DYM: variants seen among roughly 807,000 people sequenced by gnomAD.
The protein encoded by DYM is dyggve-Melchior-Clausen syndrome protein.
A neutral mutation model predicts 93.1 loss-of-function variants in DYM; 78 were observed. That is an observed-to-expected ratio of 0.84 (90% CI 0.70 to 1.01). The LOEUF (loss-of-function observed/expected upper bound fraction) is 1.01, where lower values mean the gene tolerates loss of function less well. Ranked by LOEUF, DYM falls within the 50% of genes least tolerant of loss-of-function variation. DYM has a pLI of 0.00. For synonymous variants in DYM, 321 were observed against 319.7 expected, an observed-to-expected ratio of 1.00 and a Z score of -0.04; for missense variants, 789 against 845.0, an observed-to-expected ratio of 0.93 and a Z score of 0.82.
chr18:49,386,117 A>G (rs1356993801), intron 3 of DYM, among the ~76,000 whole-genome samples: 1 of 151,956 alleles, frequency 6.6e-6, no homozygotes. Flanking sequence ...TGGCCAAAAA[A>G]CTCTTTTAAA....
intron 17 of DYM, among the ~76,000 whole-genome samples, chr18:49,075,084 T>C (rs916687899): frequency 6.6e-6 from 1 of 152,172 alleles, no homozygotes; most frequent in African/African-American, 2.4e-5. Flanking sequence ...CCAGGAAACC[T>C]AGCTTTCACC....
At chr18:49,171,806 G>T (rs560029154) in intron 14 of DYM, among the ~76,000 whole-genome samples, 34 of 152,182 alleles carry the variant, frequency 2.2e-4, no homozygotes, top group Admixed American at 1.3e-3. Context: ...AACCACTGGT[G>T]GTCCTTAATG....
intron 2 of DYM, among the ~76,000 whole-genome samples, chr18:49,422,022 T>C (rs931332298): frequency 6.6e-6 from 1 of 152,188 alleles, no homozygotes; most frequent in African/African-American, 2.4e-5. Flanking sequence ...ACCAAATCTA[T>C]GTCTGATTGG....
chr18:49,373,290 A>G (rs530666983), intron 5 of DYM, among the ~76,000 whole-genome samples: 24 of 152,270 alleles, frequency 1.6e-4, no homozygotes, highest in Middle Eastern at 3.4e-3. Context: ...TAGGAATGAA[A>G]GAACGGCTAC....
At chr18:49,081,311 G>A (rs938996130) in intron 17 of DYM, among the ~76,000 whole-genome samples, 4 of 151,334 alleles carry the variant, frequency 2.6e-5, no homozygotes, top group East Asian at 2.0e-4. Flanking sequence ...AGACCAGCCC[G>A]GCCAACACAG....
intron 10 of DYM, 25 bp downstream of exon 10, chr18:49,281,972 A>G (rs1425275090): frequency 2.5e-6 from 4 of 1,605,636 alleles, no homozygotes; most frequent in Non-Finnish European, 3.4e-6. Flanking sequence ...ATACAAACGC[A>G]TGGAATGTTT....
At chr18:49,372,216 C>T (rs979019447) in intron 5 of DYM, among the ~76,000 whole-genome samples, 6 of 152,150 alleles carry the variant, frequency 3.9e-5, no homozygotes, top group African/African-American at 1.4e-4. Context: ...CTCCATTTTT[C>T]CCCCTTTCAA....
intron 6 of DYM, chr18:49,359,664 G>T (rs562104162): frequency 1.3e-5 from 2 of 152,304 alleles, no homozygotes; most frequent in South Asian, 4.1e-4. Context: ...TTAACAGAAT[G>T]ATTTTAAAAG....
At chr18:49,049,579 A>G (rs2072111673) in intron 17 of DYM, 1 of 152,338 alleles carries the variant, frequency 6.6e-6, no homozygotes, top group Non-Finnish European at 1.5e-5. Flanking sequence ...AAGCCACGTG[A>G]AGGGCTTGGT....
chr18:49,428,318 A>T (rs2074489584), intron 2 of DYM, among the ~76,000 whole-genome samples: 1 of 152,168 alleles, frequency 6.6e-6, no homozygotes, highest in Non-Finnish European at 1.5e-5. Flanking sequence ...GAAAGAAGCC[A>T]GTCACAAAAG....
intron 2 of DYM, among the ~76,000 whole-genome samples, chr18:49,406,500 G>A (rs1239796324): frequency 6.6e-6 from 1 of 152,148 alleles, no homozygotes; most frequent in East Asian, 1.9e-4. Context: ...GACAGAGGTT[G>A]CAGAGAGCCG....
chr18:49,098,409 T>G (rs1439793328), intron 16 of DYM, among the ~76,000 whole-genome samples: 1 of 152,248 alleles, frequency 6.6e-6, no homozygotes, highest in Non-Finnish European at 1.5e-5. Flanking sequence ...TAAATGCTAA[T>G]TGTTTAAGAG....
chr18:49,385,867 C>A (rs565341879), intron 3 of DYM, among the ~76,000 whole-genome samples: 2 of 151,910 alleles, frequency 1.3e-5, no homozygotes, highest in South Asian at 4.2e-4. Context: ...GAGTGTGAGA[C>A]CCTATTCCTT....
rs940034052 is a variant in DYM, at chr18:49,409,284, AAAAAAAAAAAAAAAAG to A, written c.141-17655_141-17640del. Reference sequence around the variant, plus strand: ...GGGTGACAGAGTGAGACTCTGTCTCAAAAAAAAAAAAAAAAGAAAAAAAAGAAAAAAACTTAGCAAA... The same window carrying A: ...GGGTGACAGAGTGAGACTCTGTCTCAAAAAAAAAGAAAAAAACTTAGCAAA... On this transcript the variant is annotated intron_variant, in intron 2 of 17. Coordinates refer to ENST00000675505, the MANE Select transcript of DYM (RefSeq NM_001353214.3). 8.4e-4 allele frequency among the ~76,000 whole-genome samples: 106 copies of A among 126,326 alleles called. 1 individual carries two copies. The East Asian group carries it at 0.023, about 28-fold the overall frequency. 82.9% of individuals were successfully genotyped at this position (126,326 alleles called of 152,430 possible). A position where few individuals can be genotyped will look rare whatever the true frequency, so the allele number is the denominator to read the frequency against.
intron 6 of DYM, among the ~76,000 whole-genome samples, chr18:49,356,063 A>G (rs1036920847): frequency 2.6e-5 from 4 of 152,234 alleles, no homozygotes; most frequent in Non-Finnish European, 1.5e-5. Flanking sequence ...AATGACTACC[A>G]GAAAATATTC....
intron 2 of DYM, among the ~76,000 whole-genome samples, chr18:49,409,579 A>T (rs181877543): frequency 1.5e-3 from 230 of 152,316 alleles, no homozygotes; most frequent in Non-Finnish European, 2.8e-3. Context: ...ATTCATCAAC[A>T]GAGTACCACT....
Position 49,085,606 on chromosome 18 carries a change from C to CTTTT in DYM, c.2025+11792_2025+11795dup, listed in dbSNP as rs11437833. Among the ~76,000 whole-genome samples, 30 of 102,168 alleles carry CTTTT rather than the reference C, an allele frequency of 2.9e-4. 2 individuals are homozygous for CTTTT. Among genetic ancestry groups the CTTTT allele is most frequent in the South Asian group, 3.5e-4 (1 of 2,850 alleles). 67.0% of individuals were successfully genotyped at this position (102,168 alleles called of 152,430 possible). Reference sequence around the variant, plus strand: ...GGCAGATGAATAAGGACAACTGGTCCTTTTTTTTTTTTTTTTTTTTTGATG... The same window carrying CTTTT: ...GGCAGATGAATAAGGACAACTGGTCCTTTTTTTTTTTTTTTTTTTTTTTTTGATG... On this transcript the variant is annotated intron_variant, in intron 17 of 17. Transcript: ENST00000675505.
At chr18:49,140,643 T>C (rs1203625994) in intron 15 of DYM, among the ~76,000 whole-genome samples, 4 of 152,214 alleles carry the variant, frequency 2.6e-5, no homozygotes, top group East Asian at 1.9e-4. Context: ...AAAACTTGTA[T>C]TTTAAACAAG....
At chr18:49,282,289 A>G (rs996246098) in intron 9 of DYM, 114 bp from the exon 10 acceptor site, 2 of 1,071,702 alleles carry the variant, frequency 1.9e-6, no homozygotes, top group Admixed American at 4.2e-5. Context: ...GAAAGTCACT[A>G]CATTTCAGAT....
Sources: allele counts gnomAD v4.1 joint callset (sites outside exome capture counted in the v4.1 genomes callset), GRCh38; gene constraint gnomAD v4.1.1; transcripts MANE v1.5; gene names NCBI Gene and HGNC (gene_info 2026-07-23, HGNC 2026-07-21).